The following MPP7 variants were observed in gnomAD, a reference collection of about 807,000 sequenced individuals.
MPP7 encodes MAGUK p55 subfamily member 7.
In MPP7, 60 loss-of-function variants were observed where a neutral mutation model predicts 76.5. The ratio of observed to expected loss-of-function variants is 0.78; its 90% confidence interval spans 0.64 to 0.97. The LOEUF is 0.97. MPP7 is among the 50% of genes least tolerant of loss of function. The pLI, the probability that MPP7 is intolerant of heterozygous loss-of-function variation, is 0.00. For synonymous variants in MPP7, 237 were observed against 244.5 expected (o/e 0.97, Z 0.29); for missense variants, 641 against 694.0 (o/e 0.92, Z 0.86).
At chr10:28,269,720 G>T (rs564737611) in intron 1 of MPP7, among the ~76,000 whole-genome samples, 1 of 151,714 alleles carries the variant, frequency 6.6e-6, no homozygotes, top group South Asian at 2.1e-4. Context: ...TAGAGATGGG[G>T]TTTCACAATG....
chr10:28,099,287 C>G (rs1374833021), intron 11 of MPP7, among the ~76,000 whole-genome samples: 1 of 152,244 alleles, frequency 6.6e-6, no homozygotes, highest in East Asian at 1.9e-4. Context: ...AATACTACTA[C>G]GTTACCACCT....
intron 5 of MPP7, among the ~76,000 whole-genome samples, chr10:28,141,998 T>C (rs1216184320): frequency 2.0e-5 from 3 of 151,998 alleles, no homozygotes; most frequent in Admixed American, 6.5e-5. Flanking sequence ...TAGAACCACA[T>C]CTTATACCAT....
chr10:28,154,862 T>C (rs1016641814), intron 3 of MPP7, among the ~76,000 whole-genome samples: 1 of 152,170 alleles, frequency 6.6e-6, no homozygotes, highest in African/African-American at 2.4e-5. Flanking sequence ...ATTACAATTA[T>C]GAGAGCTGCC....
chr10:28,310,292 G>A (rs978828778), intron 2 of MPP7, among the ~76,000 whole-genome samples: 2 of 152,088 alleles, frequency 1.3e-5, no homozygotes, highest in Admixed American at 1.3e-4. Context: ...GTGAGCCACT[G>A]TGCCTGACTC....
At chr10:28,080,116 A>T (rs1457622049) in intron 12 of MPP7, among the ~76,000 whole-genome samples, 3 of 151,924 alleles carry the variant, frequency 2.0e-5, no homozygotes, top group Non-Finnish European at 4.4e-5. Flanking sequence ...AAGGAAAGAA[A>T]AAGAAAAGAA....
intron 3 of MPP7, among the ~76,000 whole-genome samples, chr10:28,155,728 A>G (rs769849708): frequency 1.6e-4 from 25 of 152,208 alleles, no homozygotes; most frequent in Non-Finnish European, 3.1e-4. Flanking sequence ...CGAGGAACAG[A>G]AAACCTGTTA....
rs1851400336 is a variant in MPP7 at position 28,052,632 on chromosome 10, G to C, written c.*1433C>G. ...CTACTCTTTTAAATTAGGACATCTT[G>C]ACATACAATCAGTTTATTTTATGAA... On this transcript the variant is annotated 3_prime_UTR_variant, in exon 17 of 17. Transcript: ENST00000683449. 1 of 152,470 alleles carries C rather than the reference G, an allele frequency of 6.6e-6. No homozygotes were observed. Among genetic ancestry groups the C allele is most frequent in the African/African-American group, 2.4e-5 (1 of 41,392 alleles). 9.4% of individuals were successfully genotyped at this position (152,470 alleles called of 1,614,324 possible). A position where few individuals can be genotyped will look rare whatever the true frequency, so the allele number is the denominator to read the frequency against.
chr10:28,066,542 T>C (rs543372106), intron 13 of MPP7, among the ~76,000 whole-genome samples: 1 of 152,274 alleles, frequency 6.6e-6, no homozygotes, highest in East Asian at 1.9e-4. Context: ...AGTTAAACTA[T>C]TATTTCTTTT....
At chr10:28,188,299 T>C (rs1837300235) in intron 3 of MPP7, among the ~76,000 whole-genome samples, 1 of 152,164 alleles carries the variant, frequency 6.6e-6, no homozygotes, top group East Asian at 1.9e-4. Flanking sequence ...TATTTTGAAT[T>C]AAAAATTACT....
intron 15 of MPP7, among the ~76,000 whole-genome samples, chr10:28,057,387 CATCACAATA>C (rs1291592742): frequency 1.3e-5 from 2 of 152,186 alleles, no homozygotes; most frequent in East Asian, 3.9e-4. Context: ...TTGGTGCTGT[CATCACAATA>C]GTCAGTTCTC....
chr10:28,306,271 A>G (rs192085414), upstream of MPP7, among the ~76,000 whole-genome samples: 1 of 152,352 alleles, frequency 6.6e-6, no homozygotes, highest in East Asian at 1.9e-4. Context: ...AGATTTTAAA[A>G]TGTGATCTTT....
At chr10:28,302,516 C>CT (rs1214491908) in intron 1 of MPP7, among the ~76,000 whole-genome samples, 2 of 152,218 alleles carry the variant, frequency 1.3e-5, no homozygotes, top group African/African-American at 4.8e-5. Flanking sequence ...GAGCCGGACT[C>CT]TGACTCAACT....
Position 28,115,198 on chromosome 10 carries a change from G to A in MPP7, c.952+4453C>T, listed in dbSNP as rs1421254617. ...GCTCACTGCAACCTCTGCCTCCCAG[G>A]TTCAAGCGATTCTCCTGCCTCAGCC... On this transcript the variant is annotated intron_variant, in intron 11 of 16. Transcript: ENST00000683449. Among the ~76,000 whole-genome samples, 2 of 152,052 alleles carry A rather than the reference G, an allele frequency of 1.3e-5. 1 individual carries two copies. Among genetic ancestry groups the A allele is most frequent in the South Asian group, 4.1e-4 (2 of 4,826 alleles).
intron 3 of MPP7, among the ~76,000 whole-genome samples, chr10:28,160,242 C>T (rs1260385152): frequency 1.3e-5 from 2 of 152,192 alleles, no homozygotes; most frequent in African/African-American, 4.8e-5. Flanking sequence ...CCTCTGCTAA[C>T]CAGAACTCTG....
intron 2 of MPP7, among the ~76,000 whole-genome samples, chr10:28,218,385 A>C (rs1838384142): frequency 6.6e-6 from 1 of 152,218 alleles, no homozygotes; most frequent in Non-Finnish European, 1.5e-5. Flanking sequence ...GATCCTGCAC[A>C]CTTGAGCAGC....
intron 11 of MPP7, among the ~76,000 whole-genome samples, chr10:28,108,801 G>A (rs1246963009): frequency 6.6e-6 from 1 of 152,076 alleles, no homozygotes; most frequent in Non-Finnish European, 1.5e-5. Flanking sequence ...TAAAATGTTG[G>A]GGAAGATCAT....
At chr10:28,280,426 A>G (rs1462049563) in intron 1 of MPP7, among the ~76,000 whole-genome samples, 1 of 152,092 alleles carries the variant, frequency 6.6e-6, no homozygotes, top group Non-Finnish European at 1.5e-5. Context: ...TTGGGGAATC[A>G]TGACAGAAAA....
intron 5 of MPP7, among the ~76,000 whole-genome samples, chr10:28,136,229 A>T (rs1835350322): frequency 6.6e-6 from 1 of 151,926 alleles, no homozygotes; most frequent in South Asian, 2.1e-4. Flanking sequence ...TAATAATAGA[A>T]ATAAAGTACA....
intron 11 of MPP7, among the ~76,000 whole-genome samples, chr10:28,107,633 T>G (rs1302298993): frequency 6.6e-6 from 1 of 152,060 alleles, no homozygotes; most frequent in African/African-American, 2.4e-5. Context: ...GAGACTGTTT[T>G]CTTTTGCTGT....
Sources: allele counts gnomAD v4.1 joint callset (sites outside exome capture counted in the v4.1 genomes callset), GRCh38; gene constraint gnomAD v4.1.1; transcripts MANE v1.5; gene names NCBI Gene and HGNC (gene_info 2026-07-23, HGNC 2026-07-21).